The following FAXDC2 variants were observed in gnomAD, a reference collection of about 807,000 sequenced individuals.
FAXDC2 encodes the protein fatty acid hydroxylase domain containing 2.
A neutral mutation model predicts 40.9 loss-of-function variants in FAXDC2; 41 were observed. The observed-to-expected ratio is 1.00, with a 90% confidence interval of 0.78 to 1.30. The LOEUF is 1.30. Ranked by LOEUF, FAXDC2 falls within the 50% of genes most tolerant of loss-of-function variation. The pLI is 0.00. For synonymous variants in FAXDC2, 157 were observed against 149.3 expected (o/e 1.05, Z -0.38); for missense variants, 390 against 408.8 (o/e 0.95, Z 0.40).
chr5:154,842,032 C>T (rs1323781433), intron 1 of FAXDC2, among the ~76,000 whole-genome samples: 1 of 151,118 alleles, frequency 6.6e-6, no homozygotes, highest in Non-Finnish European at 1.5e-5. Flanking sequence ...GCCACCGTGC[C>T]TGGCTTGTGT....
chr5:154,841,283 TG>T (rs1441964010), intron 1 of FAXDC2, among the ~76,000 whole-genome samples: 1 of 152,190 alleles, frequency 6.6e-6, no homozygotes, highest in African/African-American at 2.4e-5. Flanking sequence ...GTGTGCAGTT[TG>T]TGCCTCAATG....
intron 5 of FAXDC2, chr5:154,823,842 T>A: frequency 2.1e-6 from 1 of 486,288 alleles, no homozygotes; most frequent in South Asian, 2.2e-5. Flanking sequence ...GGAACCTGCC[T>A]TCTTCCTGGT....
chr5:154,824,700 G>T (rs528592060), intron 5 of FAXDC2: 1 of 600,918 alleles, frequency 1.7e-6, no homozygotes, highest in African/African-American at 1.8e-5. Flanking sequence ...AGTGTACTGG[G>T]TGTTGAAAAT....
rs374577433 is a variant in FAXDC2 at position 154,821,376 on chromosome 5, G to C, written c.729C>G (p.His243Gln). The C allele has an allele frequency of 3.7e-6, 6 of 1,612,308 alleles. No homozygotes were observed. Among genetic ancestry groups the C allele is most frequent in the Non-Finnish European group, 4.2e-6 (5 of 1,179,382 alleles). Residue 243 changes from histidine (H) to glutamine (Q), a missense_variant, in exon 8 of 9, where the codon CAC (histidine) becomes CAG (glutamine). Coordinates refer to ENST00000326080, the MANE Select transcript of FAXDC2 (RefSeq NM_032385.5). ...VIVGPLVMGS[H>Q]LSSITMWFSL... ...AAAACCACATGGTGATGGAGGACAA[G>C]TGGGAGCCCATTACTAATGGGCCCA...
At chr5:154,828,629 C>T (rs1582525297) in intron 5 of FAXDC2, among the ~76,000 whole-genome samples, 1 of 151,660 alleles carries the variant, frequency 6.6e-6, no homozygotes, top group Admixed American at 6.6e-5. Context: ...CAGTGTCTCA[C>T]TCTGTCTCCC....
At chr5:154,825,855 C>T (rs1187054829) in intron 5 of FAXDC2, among the ~76,000 whole-genome samples, 1 of 151,666 alleles carries the variant, frequency 6.6e-6, no homozygotes, top group African/African-American at 2.4e-5. Context: ...AGGTTTTTGG[C>T]CTGAGAAACT....
At chr5:154,833,416 G>A (rs2113148384) in intron 4 of FAXDC2, among the ~76,000 whole-genome samples, 1 of 151,232 alleles carries the variant, frequency 6.6e-6, no homozygotes, top group South Asian at 2.1e-4. Flanking sequence ...CACCATCTCG[G>A]CTCACTGCAA....
At position 154,823,416 on chromosome 5, in the gene FAXDC2, G is replaced by A. The variant is rs749674615; in HGVS notation, c.543C>T (p.Ile181=). The A allele has an allele frequency of 6.2e-6, 10 of 1,613,858 alleles. No individual in the cohort carries two copies. Among genetic ancestry groups the A allele is most frequent in the East Asian group, 2.2e-5 (1 of 44,886 alleles). ...FLLELAIFTL[I]EEVLFYYSHR... The stretch of plus-strand genomic sequence containing the variant: ...GTGAATAGTAGAACAAGACTTCCTC[G>A]ATCAGCGTGAAGATGGCCAGCTCCA... The change falls in exon 6 of 9, where the codon ATC becomes ATT. Residue 181 remains isoleucine, a synonymous_variant. Coordinates refer to ENST00000326080, the MANE Select transcript of FAXDC2 (RefSeq NM_032385.5).
chr5:154,836,945 G>A (rs771946447), intron 2 of FAXDC2, among the ~76,000 whole-genome samples: 2 of 152,130 alleles, frequency 1.3e-5, no homozygotes, highest in Admixed American at 1.3e-4. Context: ...AAAATGCTGG[G>A]ATTACAAGCA....
rs955713150 is a variant in FAXDC2, at chr5:154,850,528, C to G, written c.-46G>C. The G allele has an allele frequency of 6.6e-6, 1 of 152,248 alleles. No homozygotes were observed. The highest frequency in any genetic ancestry group is 2.4e-5 in the African/African-American group (1 of 41,444). The allele number at this position is 152,248 out of a possible 1,614,324, so 9.4% of individuals were successfully genotyped here. A position where few individuals can be genotyped will look rare whatever the true frequency, so the allele number is the denominator to read the frequency against. ...AAGCTGCTGAGGTCCTTGCACAGGT[C>G]AAATCTAAGTTCTCTTCCCTTTCAG... On this transcript the variant is annotated 5_prime_UTR_variant, in exon 1 of 9. Transcript: ENST00000326080.
intron 4 of FAXDC2, among the ~76,000 whole-genome samples, chr5:154,834,336 T>C (rs1168068216): frequency 1.3e-5 from 2 of 152,136 alleles, no homozygotes; most frequent in African/African-American, 4.8e-5. Flanking sequence ...GAATTAAGTG[T>C]AGAAACAGGA....
intron 4 of FAXDC2, 135 bp downstream of exon 4, chr5:154,834,490 A>G (rs1231076203): frequency 1.5e-6 from 1 of 656,552 alleles, no homozygotes; most frequent in Non-Finnish European, 2.6e-6. Context: ...TGGGACTACC[A>G]CTTTTTTGAA....
chr5:154,821,312 A>AG lies in FAXDC2; in HGVS notation c.792dup (p.Tyr265LeufsTer10), dbSNP rs1273298155. ...GGCGAAGGCAGGAAGGGAAGGTGGT[A>AG]GCCACAGTGGGAGATGGTGGTGATG... On this transcript the variant is annotated frameshift_variant, in exon 8 of 9. Coordinates refer to ENST00000326080, the MANE Select transcript of FAXDC2 (RefSeq NM_032385.5). LOFTEE classifies it high-confidence loss of function. 2.5e-6 allele frequency: 4 copies of AG among 1,611,244 alleles called. No individual in the cohort carries two copies. In the African/African-American group the frequency reaches 5.3e-5, roughly 22 times the overall value.
intron 5 of FAXDC2, among the ~76,000 whole-genome samples, chr5:154,826,773 ATTACT>A (rs1242469459): frequency 4.6e-5 from 7 of 152,096 alleles, no homozygotes; most frequent in African/African-American, 7.2e-5. Context: ...TGCTTTTGTG[ATTACT>A]TTAGGAGAGA....
intron 4 of FAXDC2, among the ~76,000 whole-genome samples, chr5:154,833,967 C>T (rs1158614276): frequency 6.6e-6 from 1 of 151,356 alleles, no homozygotes; most frequent in Admixed American, 6.6e-5. Context: ...CACGCCTGGC[C>T]TCCCATCTTA....
In FAXDC2 at chr5:154,832,596, A is replaced by G. The variant is rs1760221821; in HGVS notation, c.245-1674T>C. 3.3e-5 allele frequency among the ~76,000 whole-genome samples: 5 copies of G among 152,346 alleles called. No individual in the cohort carries two copies. The South Asian group carries it at 6.2e-4, about 19-fold the overall frequency. Reference sequence around the variant, plus strand: ...AGTGGGCCATCCAAGGTGTCTACCTACTTGGAACTTCAAAGGCTGCCTGAG... The same window carrying G: ...AGTGGGCCATCCAAGGTGTCTACCTGCTTGGAACTTCAAAGGCTGCCTGAG... On this transcript the variant is annotated intron_variant, in intron 4 of 8. Coordinates refer to ENST00000326080, the MANE Select transcript of FAXDC2 (RefSeq NM_032385.5).
At chr5:154,833,358 T>A (rs1760240085) in intron 4 of FAXDC2, among the ~76,000 whole-genome samples, 1 of 151,062 alleles carries the variant, frequency 6.6e-6, no homozygotes, top group African/African-American at 2.4e-5. Flanking sequence ...TTGTTTTTTT[T>A]TTTTTGAGAC....
intron 5 of FAXDC2, 65 bp downstream of exon 5, chr5:154,830,736 A>C: frequency 1.9e-6 from 3 of 1,600,844 alleles, no homozygotes; most frequent in Non-Finnish European, 2.6e-6. Context: ...AGTGGTGAGA[A>C]TTCTGAGAGT....
intron 2 of FAXDC2, 176 bp from the exon 3 acceptor site, chr5:154,835,110 A>T: frequency 1.7e-6 from 1 of 591,372 alleles, no homozygotes; most frequent in Non-Finnish European, 3.0e-6. Context: ...CCTTATCAGG[A>T]GCTCTCAGGC....
Sources: gnomAD v4.1 joint callset for allele counts (sites outside exome capture counted in the v4.1 genomes callset) on GRCh38, gnomAD v4.1.1 for gene constraint, MANE v1.5 for transcripts, NCBI Gene and HGNC (gene_info 2026-07-23, HGNC 2026-07-21) for gene names.